The following GRHL2 variants were observed in gnomAD, a reference collection of about 807,000 sequenced individuals.
GRHL2 encodes the protein grainyhead-like protein 2 homolog.
In GRHL2, 21 loss-of-function variants were observed where a neutral mutation model predicts 83.8. The observed-to-expected ratio is 0.25, with a 90% CI of 0.18 to 0.36. The LOEUF (loss-of-function observed/expected upper bound fraction) is 0.36. Ranked by LOEUF, GRHL2 falls within the 10% of genes least tolerant of loss-of-function variation. The probability of loss-of-function intolerance (pLI) is 1.00; values close to 1 mark genes in which losing one functional copy is unlikely to be tolerated. For synonymous variants in GRHL2, 280 were observed against 278.9 expected (o/e 1.00, Z -0.04); for missense variants, 623 against 781.8 (o/e 0.80, Z 2.42).
intron 3 of GRHL2, among the ~76,000 whole-genome samples, chr8:101,553,628 T>C (rs1811432411): frequency 1.4e-5 from 2 of 144,904 alleles, no homozygotes; most frequent in African/African-American, 2.6e-5. Context: ...CACTTCTTTT[T>C]TTTTTTTTTT....
At chr8:101,677,802 AC>A in the GRHL2 span, among the ~76,000 whole-genome samples, 8 of 152,052 alleles carry the variant, frequency 5.3e-5, no homozygotes, top group Non-Finnish European at 8.8e-5. Flanking sequence ...TTATGTTAGC[AC>A]CCAGTACAGC....
chr8:101,665,633 C>T (rs1814034318), intron 15 of GRHL2, among the ~76,000 whole-genome samples: 1 of 152,206 alleles, frequency 6.6e-6, no homozygotes, highest in Non-Finnish European at 1.5e-5. Flanking sequence ...GAGGTACATG[C>T]TGATGATAAC....
rs116972006 is a variant in GRHL2, at chr8:101,666,759, A to T, written c.*56A>T. On this transcript the variant is annotated 3_prime_UTR_variant, in exon 16 of 16. Transcript: ENST00000646743. Reference sequence around the variant, plus strand: ...CTCTCAGTGCGTTCCTCCCTGAGAGAGACAGAAGCCCCAGCCCCAGAACCT... The same window carrying T: ...CTCTCAGTGCGTTCCTCCCTGAGAGTGACAGAAGCCCCAGCCCCAGAACCT... 1.2e-3 allele frequency: 1,288 copies of T among 1,030,556 alleles called. 2 individuals are homozygous for T. The highest frequency in any genetic ancestry group is 3.2e-3 in the Admixed American group (188 of 57,880). 63.8% of individuals were successfully genotyped at this position (1,030,556 alleles called of 1,614,324 possible). A position where few individuals can be genotyped will look rare whatever the true frequency, so the allele number is the denominator to read the frequency against.
intron 15 of GRHL2, 89 bp downstream of exon 15, chr8:101,664,607 G>T: frequency 3.2e-6 from 3 of 925,696 alleles, no homozygotes; most frequent in East Asian, 2.5e-5. Context: ...TCTTTTGTTA[G>T]GTCTGTTGCC....
chr8:101,638,008 T>G (rs1161874737), intron 12 of GRHL2, among the ~76,000 whole-genome samples: 2 of 152,224 alleles, frequency 1.3e-5, no homozygotes, highest in African/African-American at 4.8e-5. Flanking sequence ...CTGAACCACA[T>G]AAGTTGCAGA....
intron 7 of GRHL2, among the ~76,000 whole-genome samples, chr8:101,594,306 A>G (rs144936934): frequency 4.6e-5 from 7 of 152,274 alleles, no homozygotes; most frequent in Non-Finnish European, 8.8e-5. Flanking sequence ...GCTCAAGGAA[A>G]TTGGCACAGC....
chr8:101,591,287 C>T (rs185947885), intron 7 of GRHL2, among the ~76,000 whole-genome samples: 4 of 152,272 alleles, frequency 2.6e-5, no homozygotes, highest in East Asian at 1.9e-4. Flanking sequence ...AGCACTGCAA[C>T]GTTTATCATC....
chr8:101,636,724 TACACACACACACACACAC>T (rs3029438), intron 11 of GRHL2, 155 bp from the exon 12 acceptor site: 45 of 483,692 alleles, frequency 9.3e-5, no homozygotes, highest in South Asian at 9.0e-4. Context: ...TCCTTAGAAA[TACACACACACACACACAC>T]ACACACACAC....
chr8:101,584,152 C>A (rs1276703628), intron 7 of GRHL2, among the ~76,000 whole-genome samples: 3 of 152,196 alleles, frequency 2.0e-5, no homozygotes, highest in East Asian at 1.9e-4. Flanking sequence ...TCACAGTAAT[C>A]TTTCCTGTAT....
intron 1 of GRHL2, among the ~76,000 whole-genome samples, chr8:101,507,131 G>A (rs1284080283): frequency 6.6e-6 from 1 of 152,152 alleles, no homozygotes; most frequent in Non-Finnish European, 1.5e-5. Context: ...AATAAATTGA[G>A]ATACTCATAT....
intron 2 of GRHL2, among the ~76,000 whole-genome samples, chr8:101,545,804 C>CTATAAATA (rs931713883): frequency 1.4e-4 from 20 of 146,006 alleles, no homozygotes; most frequent in African/African-American, 4.8e-4. Flanking sequence ...TCTTCAAAAT[C>CTATAAATA]TATAAATATA....
intron 1 of GRHL2, among the ~76,000 whole-genome samples, chr8:101,514,727 A>T (rs915859763): frequency 1.3e-5 from 2 of 152,108 alleles, no homozygotes; most frequent in Non-Finnish European, 2.9e-5. Context: ...CTGCCAGTGG[A>T]ATGAAGAGCT....
Position 101,666,619 on chromosome 8 carries a change from C to A in GRHL2, c.1794C>A (p.Ile598=), listed in dbSNP as rs770078441. ...GILVNMDDNI[I]EHYSNEDTFI... ...TGGTGAACATGGATGACAACATCAT[C>A]GAGCACTACTCGAACGAGGACACCT... Residue 598 remains isoleucine, a synonymous_variant, in exon 16 of 16, where the codon ATC becomes ATA. Coordinates refer to ENST00000646743, the MANE Select transcript of GRHL2 (RefSeq NM_024915.4). The A allele has an allele frequency of 6.2e-7, 1 of 1,612,504 alleles. No individual in the cohort carries two copies. The highest frequency in any genetic ancestry group is 1.7e-5 in the Admixed American group (1 of 60,022).
At chr8:101,560,185 T>C (rs949572048) in intron 4 of GRHL2, among the ~76,000 whole-genome samples, 2 of 151,758 alleles carry the variant, frequency 1.3e-5, no homozygotes, top group African/African-American at 4.8e-5. Flanking sequence ...TTTGTGTGTG[T>C]GTGTGTGTGT....
chr8:101,492,440 A>T lies in GRHL2; in HGVS notation c.-330A>T. On this transcript the variant is annotated 5_prime_UTR_variant, in exon 1 of 16. Coordinates refer to ENST00000646743, the MANE Select transcript of GRHL2 (RefSeq NM_024915.4). Reference sequence around the variant, plus strand: ...TAGTGAAAGAATTCAGCTCCTTGCGAGAAAGTTACCTGTGGCCGCCCAAGT... The same window carrying T: ...TAGTGAAAGAATTCAGCTCCTTGCGTGAAAGTTACCTGTGGCCGCCCAAGT... 1 of 483,226 alleles carries T rather than the reference A, an allele frequency of 2.1e-6. No individual in the cohort carries two copies. Among genetic ancestry groups the T allele is most frequent in the South Asian group, 2.2e-5 (1 of 45,936 alleles). 29.9% of individuals were successfully genotyped at this position (483,226 alleles called of 1,614,324 possible).
chr8:101,580,858 C>G (rs1181926124), intron 7 of GRHL2, among the ~76,000 whole-genome samples: 1 of 152,108 alleles, frequency 6.6e-6, no homozygotes, highest in Non-Finnish European at 1.5e-5. Flanking sequence ...CACACGCCAC[C>G]ACGCCCAGCT....
chr8:101,543,349 C>T lies in GRHL2; in HGVS notation c.129C>T (p.Pro43=), dbSNP rs769228709. Residue 43 remains proline (P), a synonymous_variant, in exon 2 of 16, where the codon CCC becomes CCT. Coordinates refer to ENST00000646743, the MANE Select transcript of GRHL2 (RefSeq NM_024915.4). ...DEAWKSYLEN[P]LTAATKAMMS... is the part of the protein sequence containing the mutation. ...CCTGGAAGTCATACTTGGAGAATCC[C>T]CTGACAGCAGCCACCAAGGCCATGA... is the stretch of plus-strand genomic sequence containing the variant. 1.9e-6 allele frequency: 3 copies of T among 1,614,108 alleles called. No individual in the cohort carries two copies. The South Asian group carries it at 3.3e-5, about 18-fold the overall frequency.
At chr8:101,564,856 A>C (rs1563582978) in intron 4 of GRHL2, among the ~76,000 whole-genome samples, 1 of 150,476 alleles carries the variant, frequency 6.6e-6, no homozygotes, top group Non-Finnish European at 1.5e-5. Context: ...AATTTTAGCT[A>C]ATTTGATCTA....
chr8:101,588,607 T>A (rs900211221), intron 7 of GRHL2, among the ~76,000 whole-genome samples: 1 of 152,210 alleles, frequency 6.6e-6, no homozygotes, highest in African/African-American at 2.4e-5. Flanking sequence ...TGAACATTTA[T>A]CTTACTGTAT....
Sources: allele counts gnomAD v4.1 joint callset (sites outside exome capture counted in the v4.1 genomes callset), GRCh38; gene constraint gnomAD v4.1.1; transcripts MANE v1.5; gene names NCBI Gene and HGNC (gene_info 2026-07-23, HGNC 2026-07-21).